Variants in MAP4K1 observed in about 807,000 individuals in gnomAD.
The protein encoded by MAP4K1 is MAPK/ERK kinase kinase kinase 1.
A neutral mutation model predicts 122.8 loss-of-function variants in MAP4K1; 35 were observed. The ratio of observed to expected loss-of-function variants is 0.29; its 90% CI spans 0.22 to 0.38. The LOEUF is 0.38. Ranked by LOEUF, MAP4K1 falls within the 10% of genes least tolerant of loss-of-function variation. The pLI is 1.00. For missense variants in MAP4K1, 791 were observed against 1,072.6 expected (o/e 0.74, Z 3.67); for synonymous variants, 412 against 421.3 (o/e 0.98, Z 0.27).
rs17847682 is a variant in MAP4K1 at position 38,596,099 on chromosome 19, A to G, written c.2117-98T>C. ...GTACCTGTGCTTTAGCCACCGCCTC[A>G]GTTCACAAGCAAGTGGGCTAAACCC... On this transcript the variant is annotated intron_variant, in intron 26 of 30. Coordinates refer to ENST00000396857, the MANE Select transcript of MAP4K1 (RefSeq NM_001042600.3). 14 of 1,376,790 alleles carry G rather than the reference A, an allele frequency of 1.0e-5. No individual in the cohort carries two copies. In the East Asian group the frequency reaches 1.6e-4, roughly 16 times the overall value. 85.3% of individuals were successfully genotyped at this position (1,376,790 alleles called of 1,614,324 possible).
At position 38,599,831 on chromosome 19, in the gene MAP4K1, GT is replaced by G. The variant is rs878981364; in HGVS notation, c.1669+93del. ...AGGACTTTGTGACCAAGCAGTCTAA[GT>G]TTTTTTTCAGCTGTGCCCGTCTACT... On this transcript the variant is annotated intron_variant, in intron 22 of 30. Transcript: ENST00000396857. The G allele has an allele frequency of 1.5e-5, 18 of 1,224,774 alleles. 1 individual carries two copies. Among genetic ancestry groups the G allele is most frequent in the South Asian group, 1.2e-4 (10 of 81,732 alleles). The allele number at this position is 1,224,774 out of a possible 1,614,324, so 75.9% of individuals were successfully genotyped here. A position where few individuals can be genotyped will look rare whatever the true frequency, so the allele number is the denominator to read the frequency against.
intron 30 of MAP4K1, among the ~76,000 whole-genome samples, chr19:38,590,386 AAAAAAAAAATATATATAT>A (rs1175209123): frequency 2.3e-4 from 16 of 68,560 alleles, no homozygotes; most frequent in East Asian, 1.5e-3. Context: ...AAAAAAAAAA[AAAAAAAAAATATATATAT>A]ATATATATAT....
At chr19:38,602,076 C>A (rs763286608) in intron 19 of MAP4K1, among the ~76,000 whole-genome samples, 15 of 150,940 alleles carry the variant, frequency 9.9e-5, no homozygotes, top group Non-Finnish European at 1.9e-4. Flanking sequence ...CCACTCCCAG[C>A]TGTCAGTTTT....
chr19:38,615,846 G>A (rs1017483800), intron 4 of MAP4K1, among the ~76,000 whole-genome samples: 2 of 151,660 alleles, frequency 1.3e-5, no homozygotes, highest in African/African-American at 4.8e-5. Context: ...TTTAGTAGAG[G>A]CGGGGTTTCA....
At position 38,593,311 on chromosome 19, in the gene MAP4K1, G is replaced by T. The variant is rs569149667; in HGVS notation, c.2367C>A (p.Thr789=). 6.2e-6 allele frequency: 10 copies of T among 1,612,286 alleles called. No individual in the cohort carries two copies. In the African/African-American group the frequency reaches 1.1e-4, roughly 17 times the overall value. The change falls in exon 30 of 31, where the codon ACC becomes ACA. Residue 789 remains threonine, a synonymous_variant. Transcript: ENST00000396857. ...GGGAGCCAAGCAGACGGAAAGTGAG[G>T]GTAGGGTCTCTCAGCTCCTGTAGCA... ...DQLLQELRDP[T]LTFRLLGSPR...
At position 38,607,899 on chromosome 19, in the gene MAP4K1, T is replaced by C; in HGVS notation, c.1122A>G (p.Ser374=). ...LRSSSPRKQL[S]ESSDDDYDDV... The stretch of plus-strand genomic sequence containing the variant: ...CGTCATAGTCATCGTCAGACGACTC[T>C]GACAGTTGCTTCCTGAAGGGTGACA... The change falls in exon 16 of 31, where the codon TCA becomes TCG. Residue 374 remains serine, a synonymous_variant. Coordinates refer to ENST00000396857, the MANE Select transcript of MAP4K1 (RefSeq NM_001042600.3). The C allele has an allele frequency of 6.2e-7, 1 of 1,612,438 alleles. No homozygotes were observed. Among genetic ancestry groups the C allele is most frequent in the Non-Finnish European group, 8.5e-7 (1 of 1,179,354 alleles).
At position 38,597,393 on chromosome 19, in the gene MAP4K1, T is replaced by A; in HGVS notation, c.1779-9A>T. 6.2e-7 allele frequency: 1 copy of A among 1,613,770 alleles called. No individual in the cohort carries two copies. Among genetic ancestry groups the A allele is most frequent in the African/African-American group, 1.3e-5 (1 of 74,944 alleles). Reference sequence around the variant, plus strand: ...TGGAAACCATGTTCTTCCTGGAGAATAGGTAGGTGTGAAGGGGGGTAGGAC... The same window carrying A: ...TGGAAACCATGTTCTTCCTGGAGAAAAGGTAGGTGTGAAGGGGGGTAGGAC... On this transcript the variant is annotated splice_polypyrimidine_tract_variant and intron_variant, in intron 23 of 30. Transcript: ENST00000396857. This position sits in a 1 kb window ranked among gnomAD's most constrained non-coding sequence, Gnocchi z 4.6.
chr19:38,616,506 G>A (rs906024409), intron 3 of MAP4K1, among the ~76,000 whole-genome samples: 6 of 152,246 alleles, frequency 3.9e-5, no homozygotes, highest in Admixed American at 2.0e-4. Flanking sequence ...GCCTTTGGGC[G>A]GGACCCCACT....
intron 19 of MAP4K1, among the ~76,000 whole-genome samples, chr19:38,604,211 G>C (rs538160476): frequency 3.3e-4 from 50 of 150,742 alleles, no homozygotes; most frequent in African/African-American, 1.2e-3. Flanking sequence ...ATGCCACAAA[G>C]GTGCATTATC....
At chr19:38,605,349 C>G in intron 19 of MAP4K1, 60 bp downstream of exon 19, 2 of 1,298,008 alleles carry the variant, frequency 1.5e-6, no homozygotes, top group Non-Finnish European at 2.2e-6. Context: ...CCCTCCCCAC[C>G]CCACCAGGCA....
rs1306943009 is a variant in MAP4K1 at position 38,612,619 on chromosome 19, G to A, written c.657C>T (p.His219=). ...ACCCCACGCCTGCCTACCTGAGAGG[G>A]TGCACATCAAAGAGCGGTGGCTGTA... ...AELQPPLFDV[H]PLRVLFLMTK... The change falls in exon 9 of 31, where the codon CAC becomes CAT. Residue 219 remains histidine (H), a synonymous_variant. Coordinates refer to ENST00000396857, the MANE Select transcript of MAP4K1 (RefSeq NM_001042600.3). The A allele has an allele frequency of 2.5e-6, 4 of 1,612,954 alleles. No homozygotes were observed. In the Admixed American group the frequency reaches 6.7e-5, roughly 27 times the overall value.
intron 22 of MAP4K1, 71 bp downstream of exon 22, chr19:38,599,854 T>C (rs1975008097): frequency 6.9e-7 from 1 of 1,444,968 alleles, no homozygotes; most frequent in Admixed American, 1.7e-5. Flanking sequence ...TGTGCCCGTC[T>C]ACTTCCCAGC....
At chr19:38,589,701 C>CA (rs1397449240) in intron 30 of MAP4K1, among the ~76,000 whole-genome samples, 2 of 152,118 alleles carry the variant, frequency 1.3e-5, no homozygotes, top group Non-Finnish European at 2.9e-5. Flanking sequence ...AGGCGTGAGC[C>CA]ACCGCGCCCG....
chr19:38,617,878 A>G lies in MAP4K1; in HGVS notation c.18T>C (p.Pro6=), dbSNP rs370458224. MDVVD[P]DIFNRDPRDH... is the part of the protein sequence containing the mutation. ...CCCGGGGGTCTCTATTGAAAATGTC[A>G]GGGTCCACGACGTCCATCCCTGGGG... The change falls in exon 1 of 31, where the codon CCT becomes CCC. Residue 6 remains proline, a synonymous_variant. Coordinates refer to ENST00000396857, the MANE Select transcript of MAP4K1 (RefSeq NM_001042600.3). The surrounding 1 kb of genome is among the most constrained non-coding windows in gnomAD (Gnocchi z 4.1). 45 of 1,614,072 alleles carry G rather than the reference A, an allele frequency of 2.8e-5. No homozygotes were observed. In the African/African-American group the frequency reaches 4.3e-4, roughly 15 times the overall value.
chr19:38,596,792 G>GTACT, intron 25 of MAP4K1, among the ~76,000 whole-genome samples: 1 of 152,302 alleles, frequency 6.6e-6, no homozygotes, highest in South Asian at 2.1e-4. Context: ...GACACCCAGG[G>GTACT]AGTGGCAGCA....
chr19:38,600,195 AG>A, intron 20 of MAP4K1, 42 bp from the exon 21 acceptor site: 1 of 1,567,076 alleles, frequency 6.4e-7, no homozygotes, highest in Non-Finnish European at 8.8e-7. Context: ...CTTCATCCTC[AG>A]GGACCTCCCA....
rs759008757 is a variant in MAP4K1, at chr19:38,607,559, CAAAAAAAAAA to C, written c.1157+295_1157+304del. Among the ~76,000 whole-genome samples the C allele has an allele frequency of 1.7e-3, 96 of 55,056 alleles. No individual in the cohort carries two copies. In the East Asian group the frequency reaches 0.039, roughly 22 times the overall value. 36.1% of individuals were successfully genotyped at this position (55,056 alleles called of 152,430 possible). A position where few individuals can be genotyped will look rare whatever the true frequency, so the allele number is the denominator to read the frequency against. On this transcript the variant is annotated intron_variant, in intron 16 of 30. Transcript: ENST00000396857. ...TGGGCCACAGAGTGAGACTCCATCT[CAAAAAAAAAA>C]AAAAAAAAAAAGAAGAAGGTGGAAG...
rs1975572112 is a variant in MAP4K1 at position 38,613,881 on chromosome 19, A to G, written c.532T>C (p.Trp178Arg). 1 of 1,607,170 alleles carries G rather than the reference A, an allele frequency of 6.2e-7. No individual in the cohort carries two copies. Among genetic ancestry groups the G allele is most frequent in the African/African-American group, 1.3e-5 (1 of 74,846 alleles). Reference sequence around the variant, plus strand: ...AGCTGCCCGCTGGGCGCCACTCACCAGTAGGGTGTCCCAATGAAAGAGAGG... The same window carrying G: ...AGCTGCCCGCTGGGCGCCACTCACCGGTAGGGTGTCCCAATGAAAGAGAGG... ...RRLSFIGTPYWMAPEVAAVAL... is the reference protein window; with the variant it reads ...RRLSFIGTPYRMAPEVAAVAL... Residue 178 changes from tryptophan to arginine, a missense_variant and splice_region_variant, in exon 8 of 31, where the codon TGG becomes CGG. This residue lies in a region of MAP4K1 where 163 missense variants were observed against 286.1 expected (regional missense o/e 0.57). Transcript: ENST00000396857.
At chr19:38,615,915 T>C (rs1465862174) in intron 4 of MAP4K1, among the ~76,000 whole-genome samples, 1 of 148,542 alleles carries the variant, frequency 6.7e-6, no homozygotes, top group Non-Finnish European at 1.5e-5. Context: ...CACCTCGGCT[T>C]CCCAAAGTGC....
Sources: allele counts gnomAD v4.1 joint callset (sites outside exome capture counted in the v4.1 genomes callset), GRCh38; gene constraint gnomAD v4.1.1; regional missense constraint gnomAD v4.1.1; non-coding constraint Gnocchi (gnomAD v3.1); transcripts MANE v1.5; gene names NCBI Gene and HGNC (gene_info 2026-07-23, HGNC 2026-07-21).